The following STIM2 variants were observed in gnomAD, a reference collection of about 807,000 sequenced individuals.
The protein encoded by STIM2 is stromal interaction molecule 2.
STIM2 carries 31 observed loss-of-function variants against 85.8 expected under a neutral mutation model. The ratio of observed to expected loss-of-function variants is 0.36; its 90% CI spans 0.27 to 0.49. The LOEUF (loss-of-function observed/expected upper bound fraction) is 0.49, where lower values mean the gene tolerates loss of function less well. Ranked by LOEUF, STIM2 falls within the 20% of genes least tolerant of loss-of-function variation. STIM2 has a pLI of 0.98. For missense variants in STIM2, 841 were observed against 927.6 expected (o/e 0.91, Z 1.21); for synonymous variants, 356 against 331.1 (o/e 1.08, Z -0.82).
chr4:26,939,969 T>C (rs1170240859), intron 2 of STIM2, among the ~76,000 whole-genome samples: 1 of 152,220 alleles, frequency 6.6e-6, no homozygotes, highest in Non-Finnish European at 1.5e-5. Flanking sequence ...AATCGTGGCA[T>C]GCTCTTGTGA....
chr4:26,873,976 C>T, intron 1 of STIM2: 1 of 998,706 alleles, frequency 1.0e-6, no homozygotes, highest in Non-Finnish European at 1.6e-6. Flanking sequence ...ATCCACTGCT[C>T]TTCTGTGCCC....
At chr4:27,000,201 C>T (rs1197247385) in intron 5 of STIM2, among the ~76,000 whole-genome samples, 1 of 151,896 alleles carries the variant, frequency 6.6e-6, no homozygotes, top group East Asian at 1.9e-4. Context: ...TTGGGAATGG[C>T]CCTTCTAAAA....
chr4:26,871,621 A>G (rs939107473), intron 1 of STIM2, among the ~76,000 whole-genome samples: 13 of 152,042 alleles, frequency 8.6e-5, no homozygotes, highest in Non-Finnish European at 1.5e-4. Context: ...TTTCATAAAT[A>G]CAAGGATGAC....
chr4:26,899,951 T>A (rs1723856603), intron 1 of STIM2, among the ~76,000 whole-genome samples: 1 of 152,210 alleles, frequency 6.6e-6, no homozygotes, highest in Non-Finnish European at 1.5e-5. Context: ...TGTCTCTTAT[T>A]TTCTGGGCCT....
chr4:26,922,917 A>G (rs1365422922), intron 2 of STIM2, among the ~76,000 whole-genome samples: 4 of 152,150 alleles, frequency 2.6e-5, no homozygotes, highest in African/African-American at 7.2e-5. Context: ...AAGACCAAAT[A>G]TATTTCTCAT....
intron 3 of STIM2, among the ~76,000 whole-genome samples, chr4:26,959,454 C>G (rs1264363497): frequency 6.6e-6 from 1 of 151,956 alleles, no homozygotes; most frequent in Non-Finnish European, 1.5e-5. Flanking sequence ...CTTGATCTTT[C>G]TTACTCAGCT....
chr4:27,014,574 T>C (rs1728674685), intron 10 of STIM2, among the ~76,000 whole-genome samples: 1 of 151,920 alleles, frequency 6.6e-6, no homozygotes. Context: ...TTTTTTGTAT[T>C]TCCTGATACT....
At position 26,971,552 on chromosome 4, in the gene STIM2, G is replaced by A. The variant is rs575243245; in HGVS notation, c.397+13826G>A. On this transcript the variant is annotated intron_variant, in intron 3 of 11. Coordinates refer to ENST00000467087, the MANE Select transcript of STIM2 (RefSeq NM_020860.4). ...CAGGTTTGTCAAAGATCAGATGGTT[G>A]TAGATGTGTGGTGTTATTTCTGAGG... Among the ~76,000 whole-genome samples, 265 of 152,286 alleles carry A rather than the reference G, an allele frequency of 1.7e-3. 1 individual carries two copies. The highest frequency in any genetic ancestry group is 2.9e-3 in the Non-Finnish European group (194 of 68,028).
At chr4:26,929,831 A>G (rs1725137822) in intron 2 of STIM2, among the ~76,000 whole-genome samples, 1 of 152,096 alleles carries the variant, frequency 6.6e-6, no homozygotes, top group African/African-American at 2.4e-5. Context: ...TGTGGGAAGG[A>G]GACTAAACAA....
rs1415271295 is a variant in STIM2 at position 26,995,486 on chromosome 4, C to G, written c.505C>G (p.Pro169Ala). The G allele has an allele frequency of 1.3e-6, 2 of 1,583,472 alleles. No homozygotes were observed. Among genetic ancestry groups the G allele is most frequent in the Non-Finnish European group, 1.7e-6 (2 of 1,163,318 alleles). The change falls in exon 4 of 12, where the codon CCC becomes GCC. Residue 169 changes from proline to alanine, a missense_variant. By Grantham distance (27) the Pro-to-Ala change is conservative (BLOSUM62 -1). Around this residue, in one of 3 missense-constraint regions of STIM2, gnomAD observed 408 missense variants for 525.4 expected, o/e 0.78. Transcript: ENST00000467087. ...CAACAATGTCAAAGGAACGACACTT[C>G]CCAGGTGAGTCTTTGTTATGCAAAT...
At position 26,952,932 on chromosome 4, in the gene STIM2, G is replaced by T. The variant is rs1368664112; in HGVS notation, c.283-4680G>T. Reference sequence around the variant, plus strand: ...CCTTAGTTTTTTCATCTTTAAAAGTGGGAATAATAGTAGTACTTTTCTTGT... The same window carrying T: ...CCTTAGTTTTTTCATCTTTAAAAGTTGGAATAATAGTAGTACTTTTCTTGT... On this transcript the variant is annotated intron_variant, in intron 2 of 11. Coordinates refer to ENST00000467087, the MANE Select transcript of STIM2 (RefSeq NM_020860.4). Among the ~76,000 whole-genome samples the T allele has an allele frequency of 2.0e-5, 3 of 152,140 alleles. No individual in the cohort carries two copies. In the East Asian group the frequency reaches 5.8e-4, roughly 29 times the overall value.
Position 26,861,042 on chromosome 4 carries a change from C to T in STIM2, c.-177C>T. 2 of 1,192,418 alleles carry T rather than the reference C, an allele frequency of 1.7e-6. No homozygotes were observed. The highest frequency in any genetic ancestry group is 9.4e-5 in the Admixed American group (2 of 21,380). The allele number at this position is 1,192,418 out of a possible 1,614,324, so 73.9% of individuals were successfully genotyped here. A position where few individuals can be genotyped will look rare whatever the true frequency, so the allele number is the denominator to read the frequency against. ...GCCCGGCGGGAGCCCGTGTCTGAGGCGGCGGGGGCGGCCGGAGGAGTCGCC... is the reference window on the plus strand; with the variant it reads ...GCCCGGCGGGAGCCCGTGTCTGAGGTGGCGGGGGCGGCCGGAGGAGTCGCC... On this transcript the variant is annotated 5_prime_UTR_variant, in exon 1 of 12. Coordinates refer to ENST00000467087, the MANE Select transcript of STIM2 (RefSeq NM_020860.4).
chr4:26,959,625 G>T (rs1333396800), intron 3 of STIM2, among the ~76,000 whole-genome samples: 1 of 151,922 alleles, frequency 6.6e-6, no homozygotes, highest in African/African-American at 2.4e-5. Context: ...AAATAAAGAG[G>T]ACTCTATTCT....
At chr4:27,012,213 A>G (rs1339971254) in intron 10 of STIM2, among the ~76,000 whole-genome samples, 1 of 152,096 alleles carries the variant, frequency 6.6e-6, no homozygotes, top group Non-Finnish European at 1.5e-5. Context: ...ATATTTGATA[A>G]GACCAAGTCT....
At chr4:27,002,888 A>G in intron 6 of STIM2, 39 bp from the exon 7 acceptor site, 3 of 1,467,232 alleles carry the variant, frequency 2.0e-6, no homozygotes, top group Non-Finnish European at 2.7e-6. Flanking sequence ...TAAAACTGGA[A>G]ATTTTTGTGA....
In STIM2 at chr4:26,861,016, C is replaced by T; in HGVS notation, c.-203C>T. 2 of 1,249,556 alleles carry T rather than the reference C, an allele frequency of 1.6e-6. No homozygotes were observed. Among genetic ancestry groups the T allele is most frequent in the Middle Eastern group, 2.7e-4 (1 of 3,678 alleles). 77.4% of individuals were successfully genotyped at this position (1,249,556 alleles called of 1,614,324 possible). On this transcript the variant is annotated 5_prime_UTR_variant, in exon 1 of 12. Transcript: ENST00000467087. Reference sequence around the variant, plus strand: ...GCCGGTGCCGATGGGACCAGGCTGGCGCCCGGCGGGAGCCCGTGTCTGAGG... The same window carrying T: ...GCCGGTGCCGATGGGACCAGGCTGGTGCCCGGCGGGAGCCCGTGTCTGAGG...
At chr4:26,964,310 G>A (rs1726624296) in intron 3 of STIM2, among the ~76,000 whole-genome samples, 1 of 152,120 alleles carries the variant, frequency 6.6e-6, no homozygotes. Context: ...TATTATTTTA[G>A]CAATTATCTA....
At chr4:26,955,813 T>C (rs1285478114) in intron 2 of STIM2, among the ~76,000 whole-genome samples, 1 of 151,912 alleles carries the variant, frequency 6.6e-6, no homozygotes, top group Non-Finnish European at 1.5e-5. Flanking sequence ...TGTGGAAGTG[T>C]TTTCTAATTG....
chr4:26,980,215 T>C (rs1259016358), intron 3 of STIM2, among the ~76,000 whole-genome samples: 2 of 152,244 alleles, frequency 1.3e-5, no homozygotes, highest in African/African-American at 4.8e-5. Flanking sequence ...ATTTTGAAAG[T>C]AAATTGTTTA....
Sources: allele counts gnomAD v4.1 joint callset (sites outside exome capture counted in the v4.1 genomes callset), GRCh38; gene constraint gnomAD v4.1.1; regional missense constraint gnomAD v4.1.1; transcripts MANE v1.5; gene names NCBI Gene and HGNC (gene_info 2026-07-23, HGNC 2026-07-21).